Variants in AKAP13 observed in about 807,000 individuals in gnomAD.
AKAP13 encodes A-kinase anchor protein 13.
AKAP13 carries 80 observed loss-of-function variants against 264.5 expected under a neutral mutation model. The observed-to-expected ratio is 0.30, with a 90% CI of 0.25 to 0.36. The LOEUF (loss-of-function observed/expected upper bound fraction) is 0.36, where lower values mean the gene tolerates loss of function less well. Ranked by LOEUF, AKAP13 falls within the 10% of genes least tolerant of loss-of-function variation. AKAP13 has a pLI of 1.00. For missense variants in AKAP13, 3,712 were observed against 3,435.2 expected, an observed-to-expected ratio of 1.08 and a Z score of -2.01; for synonymous variants, 1,380 against 1,250.2, an observed-to-expected ratio of 1.10 and a Z score of -2.19.
In AKAP13 at chr15:85,533,597, T is replaced by A; in HGVS notation, c.195T>A (p.Cys65Ter). 4 of 1,609,510 alleles carry A rather than the reference T, an allele frequency of 2.5e-6. No homozygotes were observed. Among genetic ancestry groups the A allele is most frequent in the Non-Finnish European group, 3.4e-6 (4 of 1,177,534 alleles). The stretch of plus-strand genomic sequence containing the variant: ...TGTTTCCTTTAGGTCATGATTGTTG[T>A]GAAACAGTGAAGGTGCAGCTCTGTG... ...LETIAPGHDC[C>*]ETVKVQLCAS... Residue 65 changes from cysteine to a stop codon, truncating the protein, a stop_gained, in exon 4 of 37, where the codon TGT (cysteine) becomes TGA (stop). Coordinates refer to ENST00000394518, the MANE Select transcript of AKAP13 (RefSeq NM_007200.5). LOFTEE classifies it high-confidence loss of function.
At chr15:85,497,298 G>A (rs180803353) in intron 2 of AKAP13, among the ~76,000 whole-genome samples, 9 of 152,330 alleles carry the variant, frequency 5.9e-5, no homozygotes, top group Non-Finnish European at 7.3e-5. Flanking sequence ...AGATGCATGC[G>A]TAGATAAATT....
At chr15:85,527,690 T>C (rs975553338) in intron 3 of AKAP13, among the ~76,000 whole-genome samples, 4 of 152,198 alleles carry the variant, frequency 2.6e-5, no homozygotes, top group African/African-American at 9.7e-5. Context: ...TAGAGACATT[T>C]TACACATATA....
chr15:85,688,068 A>G (rs2085053371), intron 16 of AKAP13, among the ~76,000 whole-genome samples: 1 of 151,836 alleles, frequency 6.6e-6, no homozygotes, highest in African/African-American at 2.4e-5. Context: ...GAGGAAAGAA[A>G]TAGGGGAAAT....
chr15:85,730,121 G>A (rs1032818254), intron 29 of AKAP13, among the ~76,000 whole-genome samples: 3 of 152,142 alleles, frequency 2.0e-5, no homozygotes, highest in Non-Finnish European at 2.9e-5. Flanking sequence ...TTTAAAGGAA[G>A]AAGTAATCAT....
chr15:85,656,440 G>C (rs114259106), intron 11 of AKAP13, among the ~76,000 whole-genome samples: 1 of 151,898 alleles, frequency 6.6e-6, no homozygotes, highest in Non-Finnish European at 1.5e-5. Flanking sequence ...AAGGTATGTC[G>C]AATTTGACTT....
chr15:85,561,051 ATTT>A (rs11311086), intron 5 of AKAP13, among the ~76,000 whole-genome samples: 137 of 109,484 alleles, frequency 1.3e-3, no homozygotes, highest in Admixed American at 1.7e-3. Context: ...GGATGTAAGG[ATTT>A]TTTTTTTTTT....
intron 36 of AKAP13, chr15:85,744,155 G>C (rs1010818309): frequency 1.8e-5 from 6 of 335,078 alleles, no homozygotes; most frequent in African/African-American, 1.3e-4. Flanking sequence ...GTAACAGCTA[G>C]CATTTGGTGA....
At chr15:85,618,026 G>A (rs959120581) in intron 8 of AKAP13, among the ~76,000 whole-genome samples, 3 of 152,212 alleles carry the variant, frequency 2.0e-5, no homozygotes, top group South Asian at 2.1e-4. Flanking sequence ...CTTGGGGCAC[G>A]AGAAGGGGAG....
intron 14 of AKAP13, among the ~76,000 whole-genome samples, chr15:85,674,007 A>G (rs1177399547): frequency 2.0e-5 from 3 of 151,672 alleles, no homozygotes; most frequent in Non-Finnish European, 4.4e-5. Context: ...ATCCCTTTCT[A>G]TGGCTGTATT....
rs369030356 is a variant in AKAP13, at chr15:85,581,520, A to G, written c.3452A>G (p.Glu1151Gly). The G allele has an allele frequency of 1.2e-4, 199 of 1,614,080 alleles. No individual in the cohort carries two copies. The highest frequency in any genetic ancestry group is 1.7e-4 in the Non-Finnish European group (197 of 1,180,050). Residue 1151 changes from glutamate to glycine, a missense_variant, in exon 7 of 37, where the codon GAG becomes GGG. Coordinates refer to ENST00000394518, the MANE Select transcript of AKAP13 (RefSeq NM_007200.5). ...VTDPQGVGTP[E>G]MIPLDWEKGK... ...GACCCACAGGGAGTTGGAACCCCAG[A>G]GATGATACCTCTTGATTGGGAGAAA...
chr15:85,595,622 C>T lies in AKAP13; in HGVS notation c.4161+9799C>T, dbSNP rs981284764. Among the ~76,000 whole-genome samples the T allele has an allele frequency of 2.0e-5, 3 of 152,146 alleles. No individual in the cohort carries two copies. In the South Asian group the frequency reaches 6.2e-4, roughly 32 times the overall value. On this transcript the variant is annotated intron_variant, in intron 8 of 36. Transcript: ENST00000394518. Reference sequence around the variant, plus strand: ...ACGTAATGGTGTTTCCTTGGTGAGACCCATGTTGTACCACAGGTGGTATCA... The same window carrying T: ...ACGTAATGGTGTTTCCTTGGTGAGATCCATGTTGTACCACAGGTGGTATCA...
At chr15:85,717,513 G>T (rs1295089294) in intron 21 of AKAP13, 111 bp downstream of exon 21, 1 of 747,332 alleles carries the variant, frequency 1.3e-6, no homozygotes, top group African/African-American at 1.8e-5. Flanking sequence ...TCTGTATCCC[G>T]TGAAGATTCT....
chr15:85,646,067 A>G (rs769803555), intron 10 of AKAP13, 113 bp downstream of exon 10: 69 of 1,317,564 alleles, frequency 5.2e-5, no homozygotes, highest in Non-Finnish European at 6.9e-5. Context: ...GTTTCCCTAA[A>G]TATGTAACTC....
In AKAP13 at chr15:85,449,922, GC is replaced by G. The variant is rs1305042769; in HGVS notation, c.-11-35787del. Among the ~76,000 whole-genome samples, 11 of 152,252 alleles carry G rather than the reference GC, an allele frequency of 7.2e-5. No homozygotes were observed. The East Asian group carries it at 2.1e-3, about 29-fold the overall frequency. On this transcript the variant is annotated intron_variant, in intron 1 of 36. Coordinates refer to ENST00000394518, the MANE Select transcript of AKAP13 (RefSeq NM_007200.5). Reference sequence around the variant, plus strand: ...TGCTAGGTTTTGGTATCAAGATGATGCTGGCCTCATAGAGTGAGTTGGGAGA... The same window carrying G: ...TGCTAGGTTTTGGTATCAAGATGATGTGGCCTCATAGAGTGAGTTGGGAGA...
chr15:85,617,902 A>G (rs937103208), intron 8 of AKAP13, among the ~76,000 whole-genome samples: 1 of 152,174 alleles, frequency 6.6e-6, no homozygotes, highest in African/African-American at 2.4e-5. Flanking sequence ...TTTATTTACA[A>G]CTTTTAAATC....
intron 1 of AKAP13, among the ~76,000 whole-genome samples, chr15:85,436,609 C>G (rs2073310384): frequency 6.9e-6 from 1 of 144,390 alleles, no homozygotes; most frequent in Admixed American, 6.9e-5. Flanking sequence ...GAAATTATAA[C>G]AAACTATCTC....
At position 85,514,904 on chromosome 15, in the gene AKAP13, C is replaced by A. The variant is rs1241354516; in HGVS notation, c.34-6524C>A. On this transcript the variant is annotated intron_variant, in intron 2 of 36. Transcript: ENST00000394518. Reference sequence around the variant, plus strand: ...ATGGAAAGGTAATACCCTGTAATAACACTCAGTTTTTATTTAGTTTACTTA... The same window carrying A: ...ATGGAAAGGTAATACCCTGTAATAAAACTCAGTTTTTATTTAGTTTACTTA... 3.8e-5 allele frequency among the ~76,000 whole-genome samples: 5 copies of A among 133,120 alleles called. 2 individuals carry two copies. The highest frequency in any genetic ancestry group is 7.9e-5 in the Non-Finnish European group (5 of 63,478). 87.3% of individuals were successfully genotyped at this position (133,120 alleles called of 152,430 possible). A position where few individuals can be genotyped will look rare whatever the true frequency, so the allele number is the denominator to read the frequency against.
chr15:85,608,215 T>C (rs2080439913), intron 8 of AKAP13, among the ~76,000 whole-genome samples: 1 of 152,200 alleles, frequency 6.6e-6, no homozygotes, highest in South Asian at 2.1e-4. Flanking sequence ...GATTCATATT[T>C]TCCTTGGGTT....
chr15:85,736,257 A>C (rs2088491753), intron 33 of AKAP13, 123 bp downstream of exon 33: 1 of 749,380 alleles, frequency 1.3e-6, no homozygotes, highest in Non-Finnish European at 2.2e-6. Context: ...GCTGGCTATC[A>C]TCTGTATGTG....
Sources: allele counts gnomAD v4.1 joint callset (sites outside exome capture counted in the v4.1 genomes callset), GRCh38; gene constraint gnomAD v4.1.1; transcripts MANE v1.5; gene names NCBI Gene and HGNC (gene_info 2026-07-23, HGNC 2026-07-21).